Variants in CTNND1 observed in about 807,000 individuals in gnomAD.
CTNND1 encodes catenin delta 1.
In CTNND1, 16 loss-of-function variants were observed where a neutral mutation model predicts 112.1. That is an observed-to-expected ratio of 0.14 (90% CI 0.10 to 0.22). CTNND1 has a LOEUF of 0.22. Ranked by LOEUF, CTNND1 falls within the 10% of genes least tolerant of loss-of-function variation. The pLI is 1.00. For synonymous variants in CTNND1, 420 were observed against 446.5 expected (o/e 0.94, Z 0.75); for missense variants, 1,008 against 1,257.0 (o/e 0.80, Z 3.00).
chr11:57,798,439 A>G (rs1429322784), intron 6 of CTNND1, among the ~76,000 whole-genome samples: 1 of 152,128 alleles, frequency 6.6e-6, no homozygotes, highest in Non-Finnish European at 1.5e-5. Flanking sequence ...GAGGACGTGT[A>G]TAAGAACTTT....
At chr11:57,777,032 A>T in intron 1 of CTNND1, among the ~76,000 whole-genome samples, 1 of 152,212 alleles carries the variant, frequency 6.6e-6, no homozygotes, top group East Asian at 1.9e-4. Flanking sequence ...GAAGAATTGG[A>T]TAAGAATACT....
At chr11:57,767,706 A>G (rs1951458988) in intron 1 of CTNND1, among the ~76,000 whole-genome samples, 1 of 152,084 alleles carries the variant, frequency 6.6e-6, no homozygotes, top group Non-Finnish European at 1.5e-5. Flanking sequence ...TTGTTGTGAC[A>G]CTTAAGTTAT....
At chr11:57,807,960 C>T (rs1393566632) in intron 12 of CTNND1, among the ~76,000 whole-genome samples, 1 of 152,154 alleles carries the variant, frequency 6.6e-6, no homozygotes, top group Non-Finnish European at 1.5e-5. Flanking sequence ...GATATTTGTT[C>T]TACTCTTACC....
At chr11:57,774,076 A>C (rs907266266) in intron 1 of CTNND1, among the ~76,000 whole-genome samples, 1 of 152,180 alleles carries the variant, frequency 6.6e-6, no homozygotes, top group African/African-American at 2.4e-5. Flanking sequence ...TTGTGGGAAT[A>C]TTTCACTTTT....
chr11:57,813,468 CAAAT>C (rs1384781906), intron 17 of CTNND1, among the ~76,000 whole-genome samples: 2 of 152,130 alleles, frequency 1.3e-5, no homozygotes, highest in Non-Finnish European at 2.9e-5. Flanking sequence ...TTGCAAGTGA[CAAAT>C]ACATATGTCA....
At chr11:57,786,601 G>A (rs7127789) in intron 1 of CTNND1, among the ~76,000 whole-genome samples, 3,009 of 152,208 alleles carry the variant, frequency 0.02, 43 homozygotes, top group Non-Finnish European at 0.032. Flanking sequence ...TTGTAATTAC[G>A]ACTCCTGACT....
Position 57,809,469 on chromosome 11 carries a change from G to T in CTNND1, c.2435+3G>T. On this transcript the variant is annotated splice_donor_region_variant and intron_variant, in intron 15 of 20. Coordinates refer to ENST00000399050, the MANE Select transcript of CTNND1 (RefSeq NM_001085458.2). ...CTGGTGTTGATCAACAAATCAGGGT[G>T]AGCTTACCACCTAAAATTACAGTCA... 1.2e-6 allele frequency: 2 copies of T among 1,605,852 alleles called. No individual in the cohort carries two copies. The highest frequency in any genetic ancestry group is 1.7e-6 in the Non-Finnish European group (2 of 1,175,354).
At chr11:57,799,370 C>G (rs780066209) in intron 6 of CTNND1, among the ~76,000 whole-genome samples, 3 of 152,220 alleles carry the variant, frequency 2.0e-5, no homozygotes, top group Non-Finnish European at 4.4e-5. Context: ...TCATTCTCTG[C>G]CATCCCTAGT....
At chr11:57,807,647 G>A (rs1190960456) in intron 12 of CTNND1, among the ~76,000 whole-genome samples, 2 of 129,790 alleles carry the variant, frequency 1.5e-5, no homozygotes, top group South Asian at 2.6e-4. Context: ...GATACTTTTT[G>A]TACTTTACTA....
chr11:57,776,359 A>T (rs1273005702), intron 1 of CTNND1, among the ~76,000 whole-genome samples: 2 of 152,154 alleles, frequency 1.3e-5, no homozygotes, highest in African/African-American at 4.8e-5. Flanking sequence ...GTGTGTTAGC[A>T]GAGTCTCAGC....
intron 3 of CTNND1, 134 bp downstream of exon 3, chr11:57,791,807 A>G: frequency 1.0e-6 from 1 of 987,310 alleles, no homozygotes; most frequent in South Asian, 2.3e-5. Context: ...ATTTTTTTCC[A>G]GGGGTGTTAA....
At chr11:57,774,170 C>T (rs539916969) in intron 1 of CTNND1, among the ~76,000 whole-genome samples, 2 of 152,276 alleles carry the variant, frequency 1.3e-5, no homozygotes, top group East Asian at 1.9e-4. Flanking sequence ...TCAGAGGTAA[C>T]CACTTGGATC....
intron 1 of CTNND1, among the ~76,000 whole-genome samples, chr11:57,776,695 G>A (rs1954305876): frequency 1.3e-5 from 2 of 152,212 alleles, no homozygotes; most frequent in Non-Finnish European, 2.9e-5. Context: ...GACCTCTGGT[G>A]AAGTTAAGTT....
At position 57,788,217 on chromosome 11, in the gene CTNND1, C is replaced by CT. The variant is rs551157035; in HGVS notation, c.-213-811dup. On this transcript the variant is annotated intron_variant, in intron 1 of 20. Coordinates refer to ENST00000399050, the MANE Select transcript of CTNND1 (RefSeq NM_001085458.2). This position sits in a 1 kb window ranked among gnomAD's most constrained non-coding sequence, Gnocchi z 4.1. ...AGAAATGGAGATGAAAGGGGAGCAC[C>CT]TTTTTTTTTAAAATAAGGGTGCTTA... Among the ~76,000 whole-genome samples the CT allele has an allele frequency of 3.5e-3, 525 of 151,242 alleles. 5 individuals carry two copies. The highest frequency in any genetic ancestry group is 0.012 in the African/African-American group (497 of 41,220).
chr11:57,811,946 A>G (rs557779627), intron 17 of CTNND1, among the ~76,000 whole-genome samples: 13 of 152,152 alleles, frequency 8.5e-5, no homozygotes, highest in Non-Finnish European at 1.8e-4. Flanking sequence ...TGAATTATAT[A>G]TTTTGTTTTG....
At position 57,801,716 on chromosome 11, in the gene CTNND1, C is replaced by T. The variant is rs1228790794; in HGVS notation, c.957-17C>T. On this transcript the variant is annotated splice_polypyrimidine_tract_variant and intron_variant, in intron 6 of 20. Transcript: ENST00000399050. Reference sequence around the variant, plus strand: ...AATGACTTGATGTATTCTCTTGGTTCTTCCAAAACTTCTCAGGAGCTATGA... The same window carrying T: ...AATGACTTGATGTATTCTCTTGGTTTTTCCAAAACTTCTCAGGAGCTATGA... 1.6e-5 allele frequency: 26 copies of T among 1,597,458 alleles called. No individual in the cohort carries two copies. Among genetic ancestry groups the T allele is most frequent in the Non-Finnish European group, 2.2e-5 (26 of 1,169,044 alleles).
At chr11:57,791,140 A>G (rs1348125505) in intron 2 of CTNND1, among the ~76,000 whole-genome samples, 3 of 152,164 alleles carry the variant, frequency 2.0e-5, no homozygotes, top group Admixed American at 2.0e-4. Flanking sequence ...CTAACAGTGT[A>G]GAGACTTAGA....
At chr11:57,767,976 G>T (rs1951533526) in intron 1 of CTNND1, among the ~76,000 whole-genome samples, 1 of 151,932 alleles carries the variant, frequency 6.6e-6, no homozygotes, top group African/African-American at 2.4e-5. Flanking sequence ...TGGGACTACA[G>T]GTGCCCGCCA....
intron 1 of CTNND1, among the ~76,000 whole-genome samples, chr11:57,787,020 G>T (rs1307168824): frequency 1.3e-5 from 2 of 152,142 alleles, no homozygotes; most frequent in East Asian, 3.9e-4. Flanking sequence ...TTCAAAATTT[G>T]CTATTAACTG....
Sources: allele counts gnomAD v4.1 joint callset (sites outside exome capture counted in the v4.1 genomes callset), GRCh38; gene constraint gnomAD v4.1.1; non-coding constraint Gnocchi (gnomAD v3.1); transcripts MANE v1.5; gene names NCBI Gene and HGNC (gene_info 2026-07-23, HGNC 2026-07-21).